Variants in UTRN observed in about 807,000 individuals in gnomAD.
UTRN encodes dystrophin-related protein 1.
Under a neutral mutation model 463.9 loss-of-function variants are expected in UTRN, and 283 were observed. That is an observed-to-expected ratio of 0.61 (90% confidence interval 0.55 to 0.67). UTRN has a LOEUF of 0.67. Ranked by LOEUF, UTRN falls within the 30% of genes least tolerant of loss-of-function variation. The pLI is 0.00. For synonymous variants in UTRN, 1,442 were observed against 1,431.5 expected (o/e 1.01, Z -0.17); for missense variants, 3,922 against 4,084.3 (o/e 0.96, Z 1.08).
chr6:144,557,026 C>T, intron 49 of UTRN, 131 bp from the exon 50 acceptor site: 2 of 1,150,898 alleles, frequency 1.7e-6, no homozygotes, highest in South Asian at 2.3e-5. Flanking sequence ...AAAGGGTTTG[C>T]CCCCAGTCTG....
intron 7 of UTRN, among the ~76,000 whole-genome samples, chr6:144,427,756 C>G (rs1407655721): frequency 2.0e-5 from 3 of 152,122 alleles, no homozygotes; most frequent in Non-Finnish European, 2.9e-5. Context: ...ATATACCATT[C>G]CATTTATTAA....
chr6:144,482,260 GACA>G lies in UTRN; in HGVS notation c.3563_3565del (p.Asn1188del). On this transcript the variant is annotated inframe_deletion, in exon 27 of 75. Transcript: ENST00000367545. ...GGAGGTGAGAGTGAAGATTCTCAAGGACAACATCAAGTTATTAGCTGCCAAGGT... is the reference window on the plus strand; with the variant it reads ...GGAGGTGAGAGTGAAGATTCTCAAGGACATCAAGTTATTAGCTGCCAAGGT... 3 of 1,605,566 alleles carry G rather than the reference GACA, an allele frequency of 1.9e-6. No homozygotes were observed. Among genetic ancestry groups the G allele is most frequent in the East Asian group, 2.2e-5 (1 of 44,474 alleles).
chr6:144,816,237 G>A (rs1012378817), intron 65 of UTRN, among the ~76,000 whole-genome samples: 1 of 152,006 alleles, frequency 6.6e-6, no homozygotes, highest in East Asian at 1.9e-4. Context: ...TGTGGAGGAG[G>A]GACCTGTAAA....
chr6:144,528,982 G>A (rs1359957540), intron 41 of UTRN, among the ~76,000 whole-genome samples: 1 of 152,192 alleles, frequency 6.6e-6, no homozygotes, highest in East Asian at 1.9e-4. Context: ...TGGCTGCTAT[G>A]GGGGATGGGG....
At chr6:144,326,657 A>G (rs1381715487) in intron 2 of UTRN, among the ~76,000 whole-genome samples, 1 of 152,248 alleles carries the variant, frequency 6.6e-6, no homozygotes, top group Admixed American at 6.5e-5. Context: ...TCAAGCTGAA[A>G]TGGTCTCTTT....
intron 54 of UTRN, among the ~76,000 whole-genome samples, chr6:144,742,487 G>A (rs938232770): frequency 4.6e-5 from 7 of 152,126 alleles, no homozygotes; most frequent in Admixed American, 6.6e-5. Context: ...AAGAGAGAGA[G>A]AAATAGGAGG....
intron 50 of UTRN, among the ~76,000 whole-genome samples, chr6:144,574,206 GATCAATT>G (rs1481865909): frequency 6.6e-6 from 1 of 152,176 alleles, no homozygotes; most frequent in Admixed American, 6.5e-5. Flanking sequence ...AGTAAACTGG[GATCAATT>G]ATGGAGGAAA....
intron 14 of UTRN, 65 bp from the exon 15 acceptor site, chr6:144,447,145 TG>T (rs1787774822): frequency 7.0e-7 from 1 of 1,430,364 alleles, no homozygotes; most frequent in Non-Finnish European, 9.7e-7. Flanking sequence ...GAAATTTGGA[TG>T]CATGATTTAA....
chr6:144,565,720 T>G (rs951480468), intron 50 of UTRN, among the ~76,000 whole-genome samples: 3 of 152,146 alleles, frequency 2.0e-5, no homozygotes, highest in African/African-American at 7.2e-5. Flanking sequence ...ACTATTTTGG[T>G]AATTCCACAG....
chr6:144,801,382 G>C (rs1387590495), intron 64 of UTRN, among the ~76,000 whole-genome samples: 1 of 152,024 alleles, frequency 6.6e-6, no homozygotes, highest in Admixed American at 6.6e-5. Flanking sequence ...GGTCTGATTA[G>C]TTTAGTTGTA....
At chr6:144,583,321 G>A (rs909462910) in intron 51 of UTRN, 3 of 431,798 alleles carry the variant, frequency 6.9e-6, no homozygotes, top group African/African-American at 6.1e-5. Flanking sequence ...AGAAGTTGAA[G>A]GAATACCAGC....
intron 33 of UTRN, among the ~76,000 whole-genome samples, chr6:144,497,431 G>A (rs1194651198): frequency 3.3e-5 from 5 of 151,068 alleles, no homozygotes; most frequent in East Asian, 1.9e-4. Context: ...ATCTTTGCAC[G>A]TTGGGAGGCC....
intron 53 of UTRN, among the ~76,000 whole-genome samples, chr6:144,715,449 C>T (rs931959502): frequency 2.0e-5 from 3 of 152,178 alleles, no homozygotes; most frequent in Admixed American, 6.5e-5. Context: ...AAAGCCACAG[C>T]TCTCGGAATG....
At chr6:144,441,469 G>A (rs560908781) in intron 13 of UTRN, among the ~76,000 whole-genome samples, 5 of 152,200 alleles carry the variant, frequency 3.3e-5, no homozygotes, top group Non-Finnish European at 5.9e-5. Context: ...TCCAGGTCAC[G>A]CCTATGCAAG....
chr6:144,438,690 T>C, intron 11 of UTRN, 55 bp from the exon 12 acceptor site: 1 of 1,603,986 alleles, frequency 6.2e-7, no homozygotes, highest in Non-Finnish European at 8.5e-7. Context: ...AATGTATATT[T>C]GACTTTGCAA....
At chr6:144,560,387 T>TA (rs1391987940) in intron 50 of UTRN, among the ~76,000 whole-genome samples, 2 of 151,964 alleles carry the variant, frequency 1.3e-5, no homozygotes, top group African/African-American at 4.8e-5. Context: ...GTGTTGAGTT[T>TA]AGAAGCCATA....
Position 144,490,346 on chromosome 6 carries a change from C to A in UTRN, c.4263+147C>A, listed in dbSNP as rs1243793083. 6 of 1,147,182 alleles carry A rather than the reference C, an allele frequency of 5.2e-6. No individual in the cohort carries two copies. In the Admixed American group the frequency reaches 1.2e-4, roughly 23 times the overall value. 71.1% of individuals were successfully genotyped at this position (1,147,182 alleles called of 1,614,324 possible). ...AGTGATGATGTGTTGAAGGTTGCAT[C>A]CTAGGGCAGCAGAAACAAATTGTTG... On this transcript the variant is annotated intron_variant, in intron 31 of 74. Transcript: ENST00000367545.
Position 144,827,504 on chromosome 6 carries a change from G to A in UTRN, c.9534-107G>A, listed in dbSNP as rs570355087. 21 of 1,592,912 alleles carry A rather than the reference G, an allele frequency of 1.3e-5. No individual in the cohort carries two copies. The East Asian group carries it at 4.7e-4, about 36-fold the overall frequency. ...CTGTGTTCCGGGTAACAATCCTAGTGGTCTGTTTGCATGGCAGATTCATTA... is the reference window on the plus strand; with the variant it reads ...CTGTGTTCCGGGTAACAATCCTAGTAGTCTGTTTGCATGGCAGATTCATTA... On this transcript the variant is annotated intron_variant, in intron 67 of 74. Transcript: ENST00000367545.
chr6:144,849,072 T>C (rs559169589), intron 74 of UTRN, among the ~76,000 whole-genome samples: 1 of 152,056 alleles, frequency 6.6e-6, no homozygotes, highest in East Asian at 1.9e-4. Context: ...TAGATGCAGA[T>C]ATTGATTAGA....
Sources: gnomAD v4.1 joint callset for allele counts (sites outside exome capture counted in the v4.1 genomes callset) on GRCh38, gnomAD v4.1.1 for gene constraint, MANE v1.5 for transcripts, NCBI Gene and HGNC (gene_info 2026-07-23, HGNC 2026-07-21) for gene names.